LARP7: variants seen among roughly 807,000 people sequenced by gnomAD.
LARP7 encodes La ribonucleoprotein 7, transcriptional regulator, also known as la-related protein 7.
A neutral mutation model predicts 69.3 loss-of-function variants in LARP7; 52 were observed. The ratio of observed to expected loss-of-function variants is 0.75; its 90% confidence interval spans 0.60 to 0.95. The LOEUF (loss-of-function observed/expected upper bound fraction) is 0.95, where lower values mean the gene tolerates loss of function less well. Ranked by LOEUF, LARP7 falls within the 40% of genes least tolerant of loss-of-function variation. The pLI, the probability that LARP7 is intolerant of heterozygous loss-of-function variation, is 0.00. For synonymous variants in LARP7, 254 were observed against 215.9 expected (o/e 1.18, Z -1.55); for missense variants, 733 against 673.0 (o/e 1.09, Z -0.99).
intron 2 of LARP7, chr4:112,645,517 T>A: frequency 6.6e-6 from 3 of 456,208 alleles, no homozygotes. Context: ...TTTTGTTTCA[T>A]TTTTTTGAGG....
rs1158602827 is a variant in LARP7 at position 112,649,696 on chromosome 4, A to G, written c.1294+10A>G. On this transcript the variant is annotated intron_variant, in intron 9 of 12. Coordinates refer to ENST00000344442, the MANE Select transcript of LARP7 (RefSeq NM_016648.4). The stretch of plus-strand genomic sequence containing the variant: ...ATGAAAAATGAAAAAAGTAAAGATC[A>G]CTGATAGTTTTGACAACATTATAAT... 1.3e-6 allele frequency: 2 copies of G among 1,572,266 alleles called. No individual in the cohort carries two copies. The highest frequency in any genetic ancestry group is 1.7e-6 in the Non-Finnish European group (2 of 1,157,376).
rs777079200 is a variant in LARP7, at chr4:112,647,526, C to T, written c.974C>T (p.Ser325Leu). Residue 325 changes from serine (S) to leucine (L), a missense_variant, in exon 7 of 13, where the codon TCA (serine) becomes TTA (leucine). Transcript: ENST00000344442. ...IIQKDIIKEA[S>L]EASKENRDIE... ...CAGAAAGACATCATTAAGGAAGCAT[C>T]AGAAGCTTCCAAGGAAAATAGAGGT... 1.2e-6 allele frequency: 2 copies of T among 1,606,676 alleles called. No individual in the cohort carries two copies. Among genetic ancestry groups the T allele is most frequent in the East Asian group, 2.2e-5 (1 of 44,846 alleles).
At chr4:112,651,127 A>G (rs1258577333) in intron 10 of LARP7, among the ~76,000 whole-genome samples, 1 of 152,156 alleles carries the variant, frequency 6.6e-6, no homozygotes, top group East Asian at 1.9e-4. Flanking sequence ...TATCTTATTT[A>G]CCCTTACCCT....
At chr4:112,648,586 C>A (rs557950134) in intron 8 of LARP7, 5 of 503,258 alleles carry the variant, frequency 9.9e-6, no homozygotes, top group South Asian at 5.8e-5. Flanking sequence ...CTTTGGACTT[C>A]AGAGTATTTA....
At chr4:112,651,657 G>A (rs1458693226) in intron 10 of LARP7, among the ~76,000 whole-genome samples, 2 of 152,094 alleles carry the variant, frequency 1.3e-5, no homozygotes, top group Non-Finnish European at 2.9e-5. Flanking sequence ...AATCCAGTTA[G>A]TAGTTACTTA....
At chr4:112,645,482 G>A (rs2048148628) in intron 2 of LARP7, 1 of 455,960 alleles carries the variant, frequency 2.2e-6, no homozygotes, top group African/African-American at 2.0e-5. Context: ...ATACAAGAAG[G>A]CATTTCACCT....
At chr4:112,646,292 T>C (rs1022558784) in intron 2 of LARP7, 59 bp from the exon 3 acceptor site, 27 of 870,514 alleles carry the variant, frequency 3.1e-5, no homozygotes, top group Middle Eastern at 7.2e-4. Context: ...GGTTAAATTG[T>C]ACCAAATTGA....
intron 7 of LARP7, 40 bp downstream of exon 7, chr4:112,647,589 TTTAATTAA>T (rs767678965): frequency 1.4e-6 from 2 of 1,470,496 alleles, no homozygotes; most frequent in Non-Finnish European, 1.8e-6. Context: ...ACTAATTAAT[TTTAATTAA>T]TTAGTTTTTA....
intron 12 of LARP7, chr4:112,654,901 G>A (rs2048893783): frequency 2.0e-5 from 3 of 151,520 alleles, no homozygotes. Flanking sequence ...TTATAAAAGT[G>A]TAAGAAAAAT....
At chr4:112,648,269 A>G (rs2048459375) in intron 8 of LARP7, 1 of 529,464 alleles carries the variant, frequency 1.9e-6, no homozygotes, top group Non-Finnish European at 3.9e-6. Context: ...AGTCTTGGAA[A>G]AAGTTAGAAT....
chr4:112,646,813 A>G lies in LARP7; in HGVS notation c.410A>G (p.Asn137Ser), dbSNP rs2048289779. ...VYVELLPKNV[N>S]HSWIERVFGK... ...TAGGAGTTACTTCCCAAAAATGTTA[A>G]TCACAGCTGGATTGAAAGAGTATTT... The change falls in exon 5 of 13, where the codon AAT becomes AGT. Residue 137 changes from asparagine (N) to serine (S), a missense_variant. Asn to Ser is a conservative substitution (Grantham distance 46). Transcript: ENST00000344442. 1 of 1,591,030 alleles carries G rather than the reference A, an allele frequency of 6.3e-7. No homozygotes were observed. The highest frequency in any genetic ancestry group is 8.5e-7 in the Non-Finnish European group (1 of 1,173,936).
At chr4:112,652,833 G>A (rs1000077739) in intron 10 of LARP7, among the ~76,000 whole-genome samples, 16 of 151,380 alleles carry the variant, frequency 1.1e-4, no homozygotes, top group Non-Finnish European at 2.1e-4. Context: ...TCCCATTCTA[G>A]TGCAGATTTT....
intron 1 of LARP7, among the ~76,000 whole-genome samples, chr4:112,639,868 T>G (rs1238120821): frequency 6.6e-6 from 1 of 152,136 alleles, no homozygotes; most frequent in Non-Finnish European, 1.5e-5. Flanking sequence ...ATCAATAATT[T>G]ATAATTATAG....
intron 10 of LARP7, among the ~76,000 whole-genome samples, chr4:112,651,024 G>A (rs761744659): frequency 9.2e-5 from 14 of 151,754 alleles, no homozygotes; most frequent in Admixed American, 2.0e-4. Context: ...TAATTTTTTC[G>A]CTTTATACAG....
chr4:112,647,937 A>G (rs373558217), intron 8 of LARP7, 103 bp downstream of exon 8: 6 of 880,770 alleles, frequency 6.8e-6, no homozygotes, highest in Non-Finnish European at 1.2e-5. Context: ...TAGCAACAGT[A>G]ATGGCCTGTA....
intron 12 of LARP7, chr4:112,654,565 G>A (rs1355417401): frequency 6.4e-6 from 1 of 157,100 alleles, no homozygotes; most frequent in Admixed American, 6.2e-5. Flanking sequence ...TATGCATAGT[G>A]TTTCCTATAG....
In LARP7 at chr4:112,650,544, A is replaced by G. The variant is rs2048679859; in HGVS notation, c.1378A>G (p.Ile460Val). ...CGTGAGTGGAGTGATTGTGAAGATC[A>G]TTAGCACAGAGCCTCTACCTGGCAG... ...QFVSGVIVKI[I>V]STEPLPGRKQ... is the part of the protein sequence containing the mutation. Residue 460 changes from isoleucine to valine, a missense_variant, in exon 10 of 13, where the codon ATT becomes GTT. Coordinates refer to ENST00000344442, the MANE Select transcript of LARP7 (RefSeq NM_016648.4). 1.2e-6 allele frequency: 2 copies of G among 1,613,764 alleles called. No individual in the cohort carries two copies. The highest frequency in any genetic ancestry group is 2.2e-5 in the East Asian group (1 of 44,864).
chr4:112,652,907 T>C (rs2048810081), intron 10 of LARP7, among the ~76,000 whole-genome samples, 170 bp from the exon 11 acceptor site: 2 of 152,210 alleles, frequency 1.3e-5, no homozygotes, highest in African/African-American at 4.8e-5. Context: ...TTCAAATCTA[T>C]TTTTAAGAAC....
In LARP7 at chr4:112,647,120, A is replaced by T; in HGVS notation, c.639A>T (p.Arg213Ser). ...TVKNKPIPAL[R>S]VVEEKKKKKK... ...AAAATAAGCCCATTCCAGCCTTAAG[A>T]GTTGTGGGTGAGTATTTTTCAATAT... The change falls in exon 6 of 13, where the codon AGA (arginine) becomes AGT (serine). Residue 213 changes from arginine to serine, a missense_variant. Physicochemically the swap from Arg to Ser is moderately radical, Grantham distance 110 (BLOSUM62 -1). Coordinates refer to ENST00000344442, the MANE Select transcript of LARP7 (RefSeq NM_016648.4). 2.5e-6 allele frequency: 4 copies of T among 1,604,872 alleles called. No individual in the cohort carries two copies. Among genetic ancestry groups the T allele is most frequent in the Non-Finnish European group, 2.5e-6 (3 of 1,177,920 alleles).
Sources: allele counts gnomAD v4.1 joint callset (sites outside exome capture counted in the v4.1 genomes callset), GRCh38; gene constraint gnomAD v4.1.1; transcripts MANE v1.5; gene names NCBI Gene and HGNC (gene_info 2026-07-23, HGNC 2026-07-21).